Variants in NRG1 observed in about 807,000 individuals in gnomAD.
NRG1 encodes the protein neuregulin 1, also known as pro-neuregulin-1, membrane-bound isoform.
NRG1 carries 18 observed loss-of-function variants against 63.8 expected under a neutral mutation model. That is an observed-to-expected ratio of 0.28 (90% CI 0.19 to 0.42). The LOEUF is 0.42. Among genes scored for constraint, NRG1 ranks in the 10% least tolerant of loss-of-function variants. The pLI is 1.00. For missense variants in NRG1, 762 were observed against 814.7 expected, an observed-to-expected ratio of 0.94 and a Z score of 0.79; for synonymous variants, 302 against 301.3, an observed-to-expected ratio of 1.00 and a Z score of -0.02.
intron 1 of NRG1, among the ~76,000 whole-genome samples, chr8:32,555,052 C>T (rs978908146): frequency 1.3e-5 from 2 of 152,080 alleles, no homozygotes; most frequent in Non-Finnish European, 2.9e-5. Flanking sequence ...AGCCCTAATT[C>T]ATTAAGTATT....
chr8:32,038,912 G>A (rs1358549035), intron 1 of NRG1, among the ~76,000 whole-genome samples: 1 of 151,972 alleles, frequency 6.6e-6, no homozygotes, highest in Non-Finnish European at 1.5e-5. Context: ...TTTTTCTGTT[G>A]TGGGCAGCAT....
At chr8:32,531,287 T>C (rs1032989534) in intron 1 of NRG1, among the ~76,000 whole-genome samples, 1 of 152,112 alleles carries the variant, frequency 6.6e-6, no homozygotes, top group Non-Finnish European at 1.5e-5. Flanking sequence ...GAGAAGACCC[T>C]GTAATCTGTT....
chr8:32,101,262 C>T (rs543925700), intron 1 of NRG1, among the ~76,000 whole-genome samples: 1 of 152,278 alleles, frequency 6.6e-6, no homozygotes, highest in Admixed American at 6.5e-5. Flanking sequence ...CAGACTCACA[C>T]TTTCCCCAGG....
intron 1 of NRG1, among the ~76,000 whole-genome samples, chr8:32,395,273 T>G (rs1323347661): frequency 6.6e-6 from 1 of 152,198 alleles, no homozygotes; most frequent in Non-Finnish European, 1.5e-5. Context: ...GAACCAGGAC[T>G]GGGTCATAGG....
chr8:32,217,333 G>T (rs2132446502), intron 1 of NRG1, among the ~76,000 whole-genome samples: 1 of 151,796 alleles, frequency 6.6e-6, no homozygotes, highest in East Asian at 2.0e-4. Flanking sequence ...TCCCAGGAAA[G>T]TCTAGTGCCC....
At chr8:32,282,486 C>T (rs984242829) in intron 1 of NRG1, among the ~76,000 whole-genome samples, 6 of 152,284 alleles carry the variant, frequency 3.9e-5, no homozygotes, top group South Asian at 2.1e-4. Flanking sequence ...GCCTGCAAAG[C>T]GTGCCATCAG....
downstream of NRG1, among the ~76,000 whole-genome samples, chr8:32,770,937 A>T (rs1831743351): frequency 1.3e-5 from 2 of 152,188 alleles, no homozygotes; most frequent in African/African-American, 4.8e-5. Flanking sequence ...TCTCAGTTCC[A>T]AATGGATTGA....
At chr8:31,887,881 A>G (rs891518370) in intron 1 of NRG1, among the ~76,000 whole-genome samples, 2 of 151,996 alleles carry the variant, frequency 1.3e-5, no homozygotes, top group African/African-American at 2.4e-5. Flanking sequence ...TAAAAGTTAG[A>G]ATATGTTTTC....
At chr8:31,806,113 A>T (rs1306675204) in intron 1 of NRG1, among the ~76,000 whole-genome samples, 1 of 152,196 alleles carries the variant, frequency 6.6e-6, no homozygotes, top group African/African-American at 2.4e-5. Flanking sequence ...TTAACCTGCC[A>T]TAATTTATAT....
intron 5 of NRG1, among the ~76,000 whole-genome samples, chr8:32,689,066 G>T (rs1348829862): frequency 6.6e-6 from 1 of 152,110 alleles, no homozygotes; most frequent in Non-Finnish European, 1.5e-5. Flanking sequence ...TACCCAAAGG[G>T]GTTGATATGA....
chr8:32,469,528 C>G (rs1486880953), intron 1 of NRG1, among the ~76,000 whole-genome samples: 1 of 152,152 alleles, frequency 6.6e-6, no homozygotes, highest in Admixed American at 6.5e-5. Context: ...CCAGTCACTA[C>G]CCCATCATCT....
At chr8:31,742,455 A>ATTTTTTTTTTTTTTTTTTTTT (rs36040084) in intron 1 of NRG1, among the ~76,000 whole-genome samples, 15 of 80,022 alleles carry the variant, frequency 1.9e-4, no homozygotes, top group Non-Finnish European at 2.8e-4. Context: ...TTTTTTAAGA[A>ATTTTTTTTTTTTTTTTTTTTT]TTTTTTTTTT....
intron 5 of NRG1, among the ~76,000 whole-genome samples, chr8:32,651,140 A>G (rs1855026548): frequency 6.6e-6 from 1 of 152,220 alleles, no homozygotes; most frequent in African/African-American, 2.4e-5. Flanking sequence ...AAGGCAAAAT[A>G]TGACATTTTA....
At chr8:32,379,233 A>G (rs1810033944) in intron 1 of NRG1, among the ~76,000 whole-genome samples, 1 of 152,170 alleles carries the variant, frequency 6.6e-6, no homozygotes, top group South Asian at 2.1e-4. Context: ...CTTATCAAAC[A>G]TGAGAGATTA....
chr8:31,905,973 G>A (rs745373684), intron 1 of NRG1, among the ~76,000 whole-genome samples: 62 of 152,266 alleles, frequency 4.1e-4, no homozygotes, highest in East Asian at 1.9e-4. Flanking sequence ...GATGAATAGC[G>A]TGAACAATAT....
intron 1 of NRG1, among the ~76,000 whole-genome samples, chr8:32,070,823 G>T (rs1825652311): frequency 6.6e-6 from 1 of 152,120 alleles, no homozygotes; most frequent in South Asian, 2.1e-4. Context: ...GATTTTTATT[G>T]CATTTACTAT....
At chr8:32,749,139 ATTAAT>A (rs1828159653) in intron 7 of NRG1, 1 of 159,386 alleles carries the variant, frequency 6.3e-6, no homozygotes. Flanking sequence ...TAATTAATTA[ATTAAT>A]TTAATTAAAT....
exon 12 of NRG1, chr8:32,767,538 A>G (rs1363534522): frequency 6.6e-6 from 1 of 152,144 alleles, no homozygotes; most frequent in East Asian, 1.9e-4. Context: ...TATTACTTGG[A>G]TGTTTTCTTA....
At chr8:32,650,254 A>T (rs1247941594) in intron 5 of NRG1, among the ~76,000 whole-genome samples, 1 of 152,106 alleles carries the variant, frequency 6.6e-6, no homozygotes, top group African/African-American at 2.4e-5. Context: ...ATATTGTGGC[A>T]TCTGCAATAA....
Sources: allele counts gnomAD v4.1 joint callset (sites outside exome capture counted in the v4.1 genomes callset), GRCh38; gene constraint gnomAD v4.1.1; transcripts MANE v1.5; gene names NCBI Gene and HGNC (gene_info 2026-07-23, HGNC 2026-07-21).